The following NFIB variants were observed in gnomAD, a reference collection of about 807,000 sequenced individuals.
NFIB encodes the protein nuclear factor 1 B-type.
NFIB carries 11 observed loss-of-function variants against 61.5 expected under a neutral mutation model. That is an observed-to-expected ratio of 0.18 (90% CI 0.11 to 0.30). The LOEUF is 0.30. Ranked by LOEUF, NFIB falls within the 10% of genes least tolerant of loss-of-function variation. NFIB has a pLI of 1.00. For synonymous variants in NFIB, 260 were observed against 216.5 expected (o/e 1.20, Z -1.76); for missense variants, 471 against 608.9 (o/e 0.77, Z 2.38).
intron 1 of NFIB, among the ~76,000 whole-genome samples, chr9:14,309,937 T>C (rs1444083966): frequency 1.3e-5 from 2 of 152,238 alleles, no homozygotes; most frequent in African/African-American, 4.8e-5. Flanking sequence ...CTTGCCATGC[T>C]TTTTAAAATG....
chr9:14,515,653 C>A, the NFIB span, among the ~76,000 whole-genome samples: 48 of 152,252 alleles, frequency 3.2e-4, no homozygotes, highest in African/African-American at 1.1e-3. Context: ...TGCCTCTGAA[C>A]GTCTGAGGCC....
intron 1 of NFIB, among the ~76,000 whole-genome samples, chr9:14,330,439 T>C (rs1205162668): frequency 6.6e-6 from 1 of 152,210 alleles, no homozygotes; most frequent in Non-Finnish European, 1.5e-5. Flanking sequence ...TAAATGATTT[T>C]AAGATTTTGA....
At chr9:14,261,142 C>T (rs867284326) in intron 2 of NFIB, among the ~76,000 whole-genome samples, 2 of 152,158 alleles carry the variant, frequency 1.3e-5, no homozygotes, top group South Asian at 4.1e-4. Flanking sequence ...CACAGTGAAA[C>T]CCCGTCTCTA....
intron 2 of NFIB, among the ~76,000 whole-genome samples, chr9:14,279,119 A>G (rs2058200211): frequency 1.3e-5 from 2 of 152,078 alleles, no homozygotes; most frequent in Non-Finnish European, 2.9e-5. Context: ...GCCCTTTCAC[A>G]CACGTTATCA....
chr9:14,441,863 C>A, the NFIB span, among the ~76,000 whole-genome samples: 2 of 152,164 alleles, frequency 1.3e-5, no homozygotes, highest in Admixed American at 6.5e-5. Context: ...AGTACACTTA[C>A]GAGAGGCAAC....
At chr9:14,429,579 T>C in the NFIB span, among the ~76,000 whole-genome samples, 1 of 152,222 alleles carries the variant, frequency 6.6e-6, no homozygotes, top group South Asian at 2.1e-4. Flanking sequence ...ATGGCTGAGC[T>C]ACAGAGGGAA....
At chr9:14,299,798 A>G (rs151154996) in intron 2 of NFIB, among the ~76,000 whole-genome samples, 2 of 152,366 alleles carry the variant, frequency 1.3e-5, no homozygotes, top group Non-Finnish European at 2.9e-5. Context: ...GTTTTACTAT[A>G]AACAATATAG....
chr9:14,186,036 T>A (rs1587420714), intron 2 of NFIB, among the ~76,000 whole-genome samples: 1 of 152,332 alleles, frequency 6.6e-6, no homozygotes, highest in East Asian at 1.9e-4. Context: ...TTTTAGGAAC[T>A]CTTTTTATTC....
intron 1 of NFIB, among the ~76,000 whole-genome samples, chr9:14,342,349 G>A (rs1394852265): frequency 6.6e-6 from 1 of 152,116 alleles, no homozygotes; most frequent in African/African-American, 2.4e-5. Context: ...CTTAGGAACT[G>A]AAAACTGGGG....
At chr9:14,158,793 G>A (rs1176384095) in intron 3 of NFIB, among the ~76,000 whole-genome samples, 9 of 152,070 alleles carry the variant, frequency 5.9e-5, no homozygotes, top group Admixed American at 4.6e-4. Context: ...GATTAGGGTC[G>A]GATTGTATCT....
chr9:14,295,127 T>A (rs2059347915), intron 2 of NFIB, among the ~76,000 whole-genome samples: 1 of 152,254 alleles, frequency 6.6e-6, no homozygotes, highest in Non-Finnish European at 1.5e-5. Context: ...GGAGCTCATT[T>A]AATTATTTAA....
chr9:14,516,272 C>A, the NFIB span, among the ~76,000 whole-genome samples: 1 of 152,194 alleles, frequency 6.6e-6, no homozygotes, highest in Admixed American at 6.5e-5. Context: ...TTATTTAAAT[C>A]AGTACAACAT....
chr9:14,116,487 G>A, intron 8 of NFIB, 141 bp from the exon 9 acceptor site: 1 of 799,456 alleles, frequency 1.3e-6, no homozygotes, highest in Non-Finnish European at 1.7e-6. Context: ...GTCGGAGTCG[G>A]AGAGGCCAGT....
intron 1 of NFIB, among the ~76,000 whole-genome samples, chr9:14,376,375 A>G (rs1406933075): frequency 1.3e-5 from 2 of 152,212 alleles, no homozygotes; most frequent in East Asian, 3.8e-4. Context: ...AGAAATAGTA[A>G]AGAGTAGCTT....
chr9:14,176,733 T>C (rs1048754509), intron 3 of NFIB, among the ~76,000 whole-genome samples: 3 of 152,062 alleles, frequency 2.0e-5, no homozygotes, highest in African/African-American at 7.2e-5. Flanking sequence ...CCTTCAGAAG[T>C]TCTAAGTCAG....
At position 14,084,764 on chromosome 9, in the gene NFIB, C is replaced by G. The variant is rs545458452; in HGVS notation, c.*3545G>C. 1.4e-4 allele frequency: 32 copies of G among 229,442 alleles called. No homozygotes were observed. Among genetic ancestry groups the G allele is most frequent in the Middle Eastern group, 1.3e-3 (1 of 766 alleles). 14.2% of individuals were successfully genotyped at this position (229,442 alleles called of 1,614,324 possible). A position where few individuals can be genotyped will look rare whatever the true frequency, so the allele number is the denominator to read the frequency against. The stretch of plus-strand genomic sequence containing the variant: ...TGGGGCCCTTCGTCAGAATATACTT[C>G]CTGGTACACGAGGAGGAGGCCGAAA... On this transcript the variant is annotated 3_prime_UTR_variant, in exon 11 of 11. Transcript: ENST00000380953.
chr9:14,275,997 T>C (rs1395811565), intron 2 of NFIB, among the ~76,000 whole-genome samples: 1 of 151,964 alleles, frequency 6.6e-6, no homozygotes, highest in African/African-American at 2.4e-5. Context: ...CTCAAGCATA[T>C]ATGGATAGCT....
At chr9:14,486,950 T>G in the NFIB span, among the ~76,000 whole-genome samples, 1 of 152,374 alleles carries the variant, frequency 6.6e-6, no homozygotes, top group East Asian at 1.9e-4. Context: ...GATATCCCAA[T>G]CTGGATTGAT....
intron 3 of NFIB, among the ~76,000 whole-genome samples, chr9:14,164,280 A>AAT (rs1392867071): frequency 1.3e-5 from 2 of 152,092 alleles, no homozygotes; most frequent in Admixed American, 1.3e-4. Flanking sequence ...GAAATGTGTT[A>AAT]ATAGGCAATT....
Sources: allele counts gnomAD v4.1 joint callset (sites outside exome capture counted in the v4.1 genomes callset), GRCh38; gene constraint gnomAD v4.1.1; transcripts MANE v1.5; gene names NCBI Gene and HGNC (gene_info 2026-07-23, HGNC 2026-07-21).